ADAM32: variants seen among roughly 807,000 people sequenced by gnomAD.
The protein encoded by ADAM32 is ADAM metallopeptidase domain 32, also known as disintegrin and metalloproteinase domain-containing protein 32.
In ADAM32, 89 loss-of-function variants were observed where a neutral mutation model predicts 114.9. That is an observed-to-expected ratio of 0.77 (90% CI 0.65 to 0.92). The LOEUF (loss-of-function observed/expected upper bound fraction) is 0.92. Among genes scored for constraint, ADAM32 ranks in the 40% least tolerant of loss-of-function variants. The pLI is 0.00. For missense variants in ADAM32, 870 were observed against 932.8 expected, an observed-to-expected ratio of 0.93 and a Z score of 0.88; for synonymous variants, 285 against 307.5, an observed-to-expected ratio of 0.93 and a Z score of 0.77.
chr8:39,132,391 G>A (rs1377395135), intron 2 of ADAM32, among the ~76,000 whole-genome samples: 2 of 152,038 alleles, frequency 1.3e-5, no homozygotes, highest in Non-Finnish European at 1.5e-5. Context: ...ATTTACTTTA[G>A]ATTAATACTT....
rs1803197383 is a variant in ADAM32, at chr8:39,142,093, A to AAGTG, written c.201-5036_201-5033dup. ...TTATTTTGAGCCTATGTGCATTTTT[A>AAGTG]AGTGGCACGTGAGATGGATTTCCTG... is the stretch of plus-strand genomic sequence containing the variant. On this transcript the variant is annotated intron_variant, in intron 3 of 24. Transcript: ENST00000379907. Among the ~76,000 whole-genome samples, 3 of 151,852 alleles carry AAGTG rather than the reference A, an allele frequency of 2.0e-5. No homozygotes were observed. The South Asian group carries it at 6.2e-4, about 32-fold the overall frequency.
chr8:39,152,549 C>A (rs1219844350), intron 6 of ADAM32, among the ~76,000 whole-genome samples: 1 of 151,548 alleles, frequency 6.6e-6, no homozygotes, highest in Non-Finnish European at 1.5e-5. Flanking sequence ...TGGTGAAACC[C>A]CGTCTCCACT....
At chr8:39,224,996 TC>T (rs751051546) in intron 14 of ADAM32, among the ~76,000 whole-genome samples, 10 of 152,174 alleles carry the variant, frequency 6.6e-5, no homozygotes, top group Non-Finnish European at 1.5e-4. Flanking sequence ...CATTGTCATC[TC>T]CAGTGGCCTC....
intron 15 of ADAM32, among the ~76,000 whole-genome samples, chr8:39,233,692 C>T (rs992739454): frequency 1.3e-5 from 2 of 152,136 alleles, no homozygotes; most frequent in Non-Finnish European, 2.9e-5. Flanking sequence ...TCAAATGCCT[C>T]TGATAGTACC....
intron 13 of ADAM32, among the ~76,000 whole-genome samples, chr8:39,222,611 C>T (rs1275815700): frequency 1.3e-5 from 2 of 152,092 alleles, no homozygotes; most frequent in Non-Finnish European, 2.9e-5. Flanking sequence ...CTGTTTCCCT[C>T]TGCAGTTTTT....
intron 7 of ADAM32, among the ~76,000 whole-genome samples, chr8:39,163,188 A>C (rs542844824): frequency 6.6e-6 from 1 of 152,220 alleles, no homozygotes; most frequent in Non-Finnish European, 1.5e-5. Flanking sequence ...TTGTTATACT[A>C]TAAGAGCATC....
chr8:39,134,539 C>G (rs1209531899), intron 2 of ADAM32, among the ~76,000 whole-genome samples: 1 of 152,126 alleles, frequency 6.6e-6, no homozygotes, highest in African/African-American at 2.4e-5. Flanking sequence ...AATTCTAGTT[C>G]TCTCTCCTAG....
At chr8:39,181,381 C>T (rs1043144294) in intron 10 of ADAM32, among the ~76,000 whole-genome samples, 2 of 152,092 alleles carry the variant, frequency 1.3e-5, no homozygotes, top group Non-Finnish European at 2.9e-5. Flanking sequence ...AGCGAGACCA[C>T]GAACCCACCA....
chr8:39,185,600 G>C (rs1463129021), intron 10 of ADAM32, among the ~76,000 whole-genome samples: 2 of 152,144 alleles, frequency 1.3e-5, no homozygotes, highest in Non-Finnish European at 2.9e-5. Flanking sequence ...CTTACTGACA[G>C]TAGGCTCCCA....
chr8:39,136,743 GATTTT>G (rs766497496), intron 3 of ADAM32, 25 bp downstream of exon 3: 7 of 1,401,380 alleles, frequency 5.0e-6, no homozygotes, highest in South Asian at 2.8e-5. Flanking sequence ...TTTAGTTTTG[GATTTT>G]ATTTTATTTC....
chr8:39,191,598 T>C (rs2129447406), intron 11 of ADAM32, among the ~76,000 whole-genome samples: 1 of 141,186 alleles, frequency 7.1e-6, no homozygotes, highest in South Asian at 2.2e-4. Context: ...TTTAATAGGG[T>C]TGTTTTTTTC....
intron 17 of ADAM32, among the ~76,000 whole-genome samples, 179 bp downstream of exon 17, chr8:39,246,345 T>G (rs893120300): frequency 6.6e-6 from 1 of 152,206 alleles, no homozygotes; most frequent in African/African-American, 2.4e-5. Flanking sequence ...GAAGATATAT[T>G]GAGCAGAATT....
At chr8:39,116,436 T>C (rs369137580) in intron 1 of ADAM32, among the ~76,000 whole-genome samples, 3 of 152,346 alleles carry the variant, frequency 2.0e-5, no homozygotes, top group Non-Finnish European at 2.9e-5. Context: ...TAGTTCTCCT[T>C]GTAGAGATCT....
chr8:39,157,684 C>A, intron 6 of ADAM32: 1 of 829,322 alleles, frequency 1.2e-6, no homozygotes, highest in South Asian at 1.4e-5. Context: ...GCTGCTTGGT[C>A]TGCATCAAGA....
intron 2 of ADAM32, among the ~76,000 whole-genome samples, chr8:39,134,054 T>C (rs1802629661): frequency 6.6e-6 from 1 of 152,010 alleles, no homozygotes; most frequent in Non-Finnish European, 1.5e-5. Context: ...TGTAGGACAT[T>C]GTGTGGGCTA....
At chr8:39,275,284 G>A (rs1227156002) in intron 21 of ADAM32, among the ~76,000 whole-genome samples, 1 of 152,158 alleles carries the variant, frequency 6.6e-6, no homozygotes, top group Admixed American at 6.5e-5. Flanking sequence ...GATTTAGTTT[G>A]TATTTACCTT....
chr8:39,107,913 C>T (rs1839993853), intron 1 of ADAM32, 80 bp downstream of exon 1: 4 of 1,438,644 alleles, frequency 2.8e-6, no homozygotes, highest in Non-Finnish European at 2.7e-6. Context: ...CGGGGCCCTC[C>T]CTGTCTGGGT....
chr8:39,152,910 T>C (rs964691712), intron 6 of ADAM32, among the ~76,000 whole-genome samples: 1 of 152,204 alleles, frequency 6.6e-6, no homozygotes. Context: ...GGCTTGAATA[T>C]TAAAAGGAGG....
intron 3 of ADAM32, among the ~76,000 whole-genome samples, chr8:39,142,207 T>C (rs1177322171): frequency 2.0e-5 from 3 of 152,166 alleles, no homozygotes; most frequent in African/African-American, 7.2e-5. Context: ...TTTATATTTA[T>C]GGTTAATATT....
Sources: gnomAD v4.1 joint callset for allele counts (sites outside exome capture counted in the v4.1 genomes callset) on GRCh38, gnomAD v4.1.1 for gene constraint, MANE v1.5 for transcripts, NCBI Gene and HGNC (gene_info 2026-07-23, HGNC 2026-07-21) for gene names.